Variants in UGT3A1 observed in about 807,000 individuals in gnomAD.
UGT3A1 encodes UDP glycosyltransferase family 3 member A1.
In UGT3A1, 40 loss-of-function variants were observed where a neutral mutation model predicts 37.6. The observed-to-expected ratio is 1.06, with a 90% CI of 0.83 to 1.38. The LOEUF is 1.38. Among genes scored for constraint, UGT3A1 ranks in the 40% most tolerant of loss-of-function variants. The pLI, the probability that UGT3A1 is intolerant of heterozygous loss-of-function variation, is 0.00. For missense variants in UGT3A1, 642 were observed against 634.2 expected (o/e 1.01, Z -0.13); for synonymous variants, 256 against 232.3 (o/e 1.10, Z -0.93).
At chr5:35,963,068 C>A in intron 4 of UGT3A1, 1 of 633,222 alleles carries the variant, frequency 1.6e-6, no homozygotes, top group Admixed American at 2.3e-5. Flanking sequence ...GTCCCTGAGT[C>A]CTGGCAACTT....
At chr5:35,984,031 T>C (rs1271112210) in intron 2 of UGT3A1, among the ~76,000 whole-genome samples, 2 of 152,090 alleles carry the variant, frequency 1.3e-5, no homozygotes, top group African/African-American at 4.8e-5. Context: ...TTATTCAACA[T>C]CATAGTGGAA....
intron 1 of UGT3A1, among the ~76,000 whole-genome samples, chr5:35,998,489 T>G (rs975563619): frequency 6.6e-6 from 1 of 152,232 alleles, no homozygotes; most frequent in Non-Finnish European, 1.5e-5. Context: ...TCTTATAAAT[T>G]TTGGCTTTTA....
chr5:35,966,467 G>A (rs1337404462), intron 3 of UGT3A1, among the ~76,000 whole-genome samples: 2 of 152,042 alleles, frequency 1.3e-5, no homozygotes, highest in Non-Finnish European at 2.9e-5. Context: ...TTTCTTCCTA[G>A]CCTAGGAGTT....
rs1201475778 is a variant in UGT3A1 at position 35,968,209 on chromosome 5, G to A, written c.197-76C>T. On this transcript the variant is annotated intron_variant, in intron 2 of 6. Transcript: ENST00000274278. Reference sequence around the variant, plus strand: ...TTAACATTAGCATGATGATATTAAAGTTTTATTCTATTAATTTTACATTTA... The same window carrying A: ...TTAACATTAGCATGATGATATTAAAATTTTATTCTATTAATTTTACATTTA... 7.3e-6 allele frequency: 6 copies of A among 827,472 alleles called. No homozygotes were observed. In the South Asian group the frequency reaches 7.7e-5, roughly 11 times the overall value. 51.3% of individuals were successfully genotyped at this position (827,472 alleles called of 1,614,324 possible).
intron 4 of UGT3A1, among the ~76,000 whole-genome samples, chr5:35,964,060 T>G (rs2149958831): frequency 6.6e-6 from 1 of 150,974 alleles, no homozygotes; most frequent in Admixed American, 6.7e-5. Context: ...ACAATATAAG[T>G]GTACTCAATG....
At chr5:35,956,216 A>G (rs561122800) in intron 5 of UGT3A1, among the ~76,000 whole-genome samples, 4 of 152,302 alleles carry the variant, frequency 2.6e-5, no homozygotes, top group African/African-American at 7.2e-5. Flanking sequence ...TAGTACCTAC[A>G]CTGTATGTGC....
intron 3 of UGT3A1, among the ~76,000 whole-genome samples, chr5:35,967,284 A>C (rs1739847200): frequency 6.6e-6 from 1 of 152,222 alleles, no homozygotes; most frequent in Non-Finnish European, 1.5e-5. Context: ...AGCTTTATGG[A>C]ATAATTAGAT....
chr5:35,992,423 A>AG (rs1445014332), upstream of UGT3A1, among the ~76,000 whole-genome samples: 1 of 151,968 alleles, frequency 6.6e-6, no homozygotes, highest in Non-Finnish European at 1.5e-5. Flanking sequence ...AGAAGTGTGG[A>AG]GGGGGGAAGG....
At chr5:35,976,419 G>T (rs1179640468) in intron 2 of UGT3A1, among the ~76,000 whole-genome samples, 1 of 152,160 alleles carries the variant, frequency 6.6e-6, no homozygotes, top group Non-Finnish European at 1.5e-5. Context: ...ATAACTAATG[G>T]TTCATTCCCT....
At chr5:35,978,277 C>T (rs1740375895) in intron 2 of UGT3A1, among the ~76,000 whole-genome samples, 2 of 152,144 alleles carry the variant, frequency 1.3e-5, no homozygotes, top group South Asian at 4.1e-4. Flanking sequence ...TCAAGTGATC[C>T]ACCTGCCTCA....
chr5:35,995,085 A>G (rs1007689916), upstream of UGT3A1, among the ~76,000 whole-genome samples: 2 of 152,320 alleles, frequency 1.3e-5, no homozygotes, highest in Middle Eastern at 3.4e-3. Context: ...CTGAAGGCCA[A>G]CAAACAACTT....
At chr5:35,960,457 T>C (rs1281919240) in intron 4 of UGT3A1, among the ~76,000 whole-genome samples, 1 of 151,800 alleles carries the variant, frequency 6.6e-6, no homozygotes, top group East Asian at 1.9e-4. Context: ...GTGACAAGGG[T>C]GTGGCTTGTC....
chr5:35,985,527 A>G (rs962272903), intron 2 of UGT3A1, among the ~76,000 whole-genome samples: 2 of 152,194 alleles, frequency 1.3e-5, no homozygotes, highest in Non-Finnish European at 2.9e-5. Context: ...CCAATGGAAC[A>G]GAAGAGCCCA....
intron 2 of UGT3A1, among the ~76,000 whole-genome samples, chr5:35,977,881 T>C (rs1465509837): frequency 2.0e-5 from 3 of 152,134 alleles, no homozygotes; most frequent in Admixed American, 1.3e-4. Flanking sequence ...TAACTAGCAA[T>C]GGGAGCTGGA....
chr5:35,962,817 G>C (rs1162071967), intron 4 of UGT3A1: 2 of 693,094 alleles, frequency 2.9e-6, no homozygotes, highest in African/African-American at 3.5e-5. Flanking sequence ...GGTCAAAGCA[G>C]ACTCAGTGGT....
intron 2 of UGT3A1, among the ~76,000 whole-genome samples, chr5:35,978,531 A>G (rs2149979821): frequency 6.6e-6 from 1 of 152,012 alleles, no homozygotes; most frequent in Non-Finnish European, 1.5e-5. Context: ...AGTTTTTACA[A>G]AACCATCAGA....
intron 4 of UGT3A1, among the ~76,000 whole-genome samples, chr5:35,963,243 G>A (rs987421821): frequency 6.6e-6 from 1 of 152,212 alleles, no homozygotes; most frequent in African/African-American, 2.4e-5. Context: ...CTCCCTCCAT[G>A]AAGTGGGGGT....
intron 2 of UGT3A1, among the ~76,000 whole-genome samples, chr5:35,972,140 C>CTAGG: frequency 6.6e-6 from 1 of 152,188 alleles, no homozygotes; most frequent in South Asian, 2.1e-4. Flanking sequence ...AAATTTGCTT[C>CTAGG]TAGGATAGTT....
At chr5:35,967,971 T>C in intron 3 of UGT3A1, 48 bp downstream of exon 3, 1 of 1,402,356 alleles carries the variant, frequency 7.1e-7, no homozygotes. Flanking sequence ...TATTCATTTG[T>C]ATCACTAAAA....
Sources: allele counts gnomAD v4.1 joint callset (sites outside exome capture counted in the v4.1 genomes callset), GRCh38; gene constraint gnomAD v4.1.1; transcripts MANE v1.5; gene names NCBI Gene and HGNC (gene_info 2026-07-23, HGNC 2026-07-21).